Variants in OR8H3 observed in about 807,000 individuals in gnomAD.
OR8H3 encodes olfactory receptor family 8 subfamily H member 3, also known as olfactory receptor 8H3.
For synonymous variants in OR8H3, 143 were observed against 136.4 expected (o/e 1.05, Z -0.34); for missense variants, 381 against 370.8 (o/e 1.03, Z -0.23).
chr11:56,122,934 T>A lies in OR8H3; in HGVS notation c.562T>A (p.Ser188Thr), dbSNP rs780318369. The A allele has an allele frequency of 6.2e-6, 10 of 1,614,238 alleles. No individual in the cohort carries two copies. The highest frequency in any genetic ancestry group is 6.8e-6 in the Non-Finnish European group (8 of 1,180,040). Residue 188 changes from serine to threonine, a missense_variant, in exon 1 of 1, where the codon TCC becomes ACC. By Grantham distance (58) the Ser-to-Thr change is moderately conservative. Transcript: ENST00000313472. ...TGACACTTCCCCAATTTTAGCTCTG[T>A]CCTGCACTGACACAGACAACACTGA... is the stretch of plus-strand genomic sequence containing the variant. ...FCDTSPILAL[S>T]CTDTDNTEML... is the part of the protein sequence containing the mutation.
At position 56,123,118 on chromosome 11, in the gene OR8H3, C is replaced by T. The variant is rs201060196; in HGVS notation, c.746C>T (p.Thr249Ile). The change falls in exon 1 of 1, where the codon ACC (threonine) becomes ATC (isoleucine). Residue 249 changes from threonine to isoleucine, a missense_variant. By Grantham distance (89) the Thr-to-Ile change is moderately conservative (BLOSUM62 -1). Transcript: ENST00000313472. ...TGCGTCTCTCATCTCTTGGGAGTCA[C>T]CATCTTCTATGGAACTATGATTTTT... Reference protein sequence around the residue: ...STCVSHLLGVTIFYGTMIFTY... With the variant: ...STCVSHLLGVIIFYGTMIFTY... 69 of 1,614,026 alleles carry T rather than the reference C, an allele frequency of 4.3e-5. No individual in the cohort carries two copies. The East Asian group carries it at 8.0e-4, about 19-fold the overall frequency.
At position 56,122,433 on chromosome 11, in the gene OR8H3, T is replaced by A. The variant is rs756523951; in HGVS notation, c.61T>A (p.Ser21Thr). 6 of 1,614,076 alleles carry A rather than the reference T, an allele frequency of 3.7e-6. No homozygotes were observed. Reference protein sequence around the residue: ...ADFILTGLSDSEEVQMALFML... With the variant: ...ADFILTGLSDTEEVQMALFML... Reference sequence around the variant, plus strand: ...CTTCATCCTTACGGGACTGTCAGACTCTGAAGAGGTCCAGATGGCTCTGTT... The same window carrying A: ...CTTCATCCTTACGGGACTGTCAGACACTGAAGAGGTCCAGATGGCTCTGTT... Residue 21 changes from serine (S) to threonine (T), a missense_variant, in exon 1 of 1, where the codon TCT becomes ACT. Physicochemically the swap from Ser to Thr is moderately conservative, Grantham distance 58. Coordinates refer to ENST00000313472, the MANE Select transcript of OR8H3 (RefSeq NM_001005201.1).
chr11:56,123,071 A>G lies in OR8H3; in HGVS notation c.699A>G (p.Gly233=), dbSNP rs772008678. 1.2e-6 allele frequency: 2 copies of G among 1,614,000 alleles called. No homozygotes were observed. The highest frequency in any genetic ancestry group is 2.2e-5 in the South Asian group (2 of 91,084). ...STILKINSTS[G]KQKAFSTCVS... is the part of the protein sequence containing the mutation. ...TCCTGAAAATTAATTCCACTTCAGG[A>G]AAGCAGAAAGCTTTCTCTACTTGCG... Residue 233 remains glycine, a synonymous_variant, in exon 1 of 1, where the codon GGA becomes GGG. Transcript: ENST00000313472.
In OR8H3 at chr11:56,122,839, C is replaced by A; in HGVS notation, c.467C>A (p.Ser156Tyr). The stretch of plus-strand genomic sequence containing the variant: ...CCTTATGTGATTGGCTTTATGGACT[C>A]CTTTGTCAATGTGGTTTCCATGAGC... ...TGPYVIGFMD[S>Y]FVNVVSMSRL... The change falls in exon 1 of 1, where the codon TCC becomes TAC. Residue 156 changes from serine to tyrosine, a missense_variant. Coordinates refer to ENST00000313472, the MANE Select transcript of OR8H3 (RefSeq NM_001005201.1). 1 of 1,614,164 alleles carries A rather than the reference C, an allele frequency of 6.2e-7. No homozygotes were observed. The highest frequency in any genetic ancestry group is 1.1e-5 in the South Asian group (1 of 91,082).
rs117742871 is a variant in OR8H3, at chr11:56,122,657, G to C, written c.285G>C (p.Thr95=). 2 of 1,614,052 alleles carry C rather than the reference G, an allele frequency of 1.2e-6. No individual in the cohort carries two copies. Among genetic ancestry groups the C allele is most frequent in the Non-Finnish European group, 1.7e-6 (2 of 1,180,016 alleles). The part of the protein sequence containing the change: ...NLLTSNYISF[T]GCFAQMFCFV... ...TGACTTCCAACTATATTTCCTTCAC[G>C]GGCTGCTTTGCCCAGATGTTCTGTT... Residue 95 remains threonine (T), a synonymous_variant, in exon 1 of 1, where the codon ACG becomes ACC. Transcript: ENST00000313472.
At position 56,122,475 on chromosome 11, in the gene OR8H3, A is replaced by G. The variant is rs772337323; in HGVS notation, c.103A>G (p.Ile35Val). 1.9e-6 allele frequency: 3 copies of G among 1,614,002 alleles called. No homozygotes were observed. The highest frequency in any genetic ancestry group is 2.7e-5 in the African/African-American group (2 of 74,910). Reference protein sequence around the residue: ...QMALFMLFLLIYLITMLGNVG... With the variant: ...QMALFMLFLLVYLITMLGNVG... ...GGCTCTGTTTATGCTATTTCTCCTCATATACCTAATTACTATGCTGGGGAA... is the reference window on the plus strand; with the variant it reads ...GGCTCTGTTTATGCTATTTCTCCTCGTATACCTAATTACTATGCTGGGGAA... Residue 35 changes from isoleucine (I) to valine (V), a missense_variant, in exon 1 of 1, where the codon ATA becomes GTA. Physicochemically the swap from Ile to Val is conservative, Grantham distance 29 (BLOSUM62 3). Coordinates refer to ENST00000313472, the MANE Select transcript of OR8H3 (RefSeq NM_001005201.1).
In OR8H3 at chr11:56,123,106, T is replaced by C; in HGVS notation, c.734T>C (p.Leu245Pro). The change falls in exon 1 of 1, where the codon CTC becomes CCC. Residue 245 changes from leucine to proline, a missense_variant. Leu to Pro is a moderately conservative substitution (Grantham distance 98, BLOSUM62 -3). Coordinates refer to ENST00000313472, the MANE Select transcript of OR8H3 (RefSeq NM_001005201.1). ...GCTTTCTCTACTTGCGTCTCTCATC[T>C]CTTGGGAGTCACCATCTTCTATGGA... ...QKAFSTCVSH[L>P]LGVTIFYGTM... is the part of the protein sequence containing the mutation. The C allele has an allele frequency of 1.2e-6, 2 of 1,614,064 alleles. No homozygotes were observed. Among genetic ancestry groups the C allele is most frequent in the Non-Finnish European group, 1.7e-6 (2 of 1,179,914 alleles).
rs201126799 is a variant in OR8H3 at position 56,122,827 on chromosome 11, G to T, written c.455G>T (p.Gly152Val). Residue 152 changes from glycine (G) to valine (V), a missense_variant, in exon 1 of 1, where the codon GGC becomes GTC. By Grantham distance (109) the Gly-to-Val change is moderately radical. Coordinates refer to ENST00000313472, the MANE Select transcript of OR8H3 (RefSeq NM_001005201.1). ...CTCATCACTGGGCCTTATGTGATTG[G>T]CTTTATGGACTCCTTTGTCAATGTG... ...LALITGPYVI[G>V]FMDSFVNVVS... 9 of 1,613,998 alleles carry T rather than the reference G, an allele frequency of 5.6e-6. No homozygotes were observed. In the Middle Eastern group the frequency reaches 9.9e-4, roughly 177 times the overall value.
rs764574176 is a variant in OR8H3, at chr11:56,123,192, G to A, written c.820G>A (p.Ala274Thr). The change falls in exon 1 of 1, where the codon GCT (alanine) becomes ACT (threonine). Residue 274 changes from alanine to threonine, a missense_variant. By Grantham distance (58) the Ala-to-Thr change is moderately conservative (BLOSUM62 0). Transcript: ENST00000313472. Reference protein sequence around the residue: ...KSYSLGRDQVAPVFYTIVIPM... With the variant: ...KSYSLGRDQVTPVFYTIVIPM... The stretch of plus-strand genomic sequence containing the variant: ...TTATTCCTTGGGAAGAGATCAAGTG[G>A]CTCCTGTGTTTTATACTATTGTGAT... The A allele has an allele frequency of 5.0e-6, 8 of 1,613,084 alleles. No homozygotes were observed. The Admixed American group carries it at 1.3e-4, about 27-fold the overall frequency.
Position 56,122,524 on chromosome 11 carries a change from G to C in OR8H3, c.152G>C (p.Arg51Pro). ...AATGTGGGGATGCTATTGATAATCC[G>C]CCTGGACCTCCAGCTTCACACTCCC... ...LGNVGMLLII[R>P]LDLQLHTPMY... is the part of the protein sequence containing the mutation. Residue 51 changes from arginine (R) to proline (P), a missense_variant, in exon 1 of 1, where the codon CGC (arginine) becomes CCC (proline). Arg to Pro is a moderately radical substitution (Grantham distance 103). Coordinates refer to ENST00000313472, the MANE Select transcript of OR8H3 (RefSeq NM_001005201.1). 1.2e-6 allele frequency: 2 copies of C among 1,613,986 alleles called. No homozygotes were observed. Among genetic ancestry groups the C allele is most frequent in the Non-Finnish European group, 1.7e-6 (2 of 1,179,976 alleles).
chr11:56,123,016 C>T lies in OR8H3; in HGVS notation c.644C>T (p.Ser215Phe), dbSNP rs751910968. ...CTGATGGTGTCCCTTATCACAATAT[C>T]TGCATCCTATGTGTCCATTCTCTCT... ...STLMVSLITISASYVSILSTI... is the reference protein window; with the variant it reads ...STLMVSLITIFASYVSILSTI... Residue 215 changes from serine to phenylalanine, a missense_variant, in exon 1 of 1, where the codon TCT (serine) becomes TTT (phenylalanine). Ser to Phe is a radical substitution (Grantham distance 155). Coordinates refer to ENST00000313472, the MANE Select transcript of OR8H3 (RefSeq NM_001005201.1). 5.6e-6 allele frequency: 9 copies of T among 1,614,074 alleles called. No homozygotes were observed. The Admixed American group carries it at 1.0e-4, about 18-fold the overall frequency.
In OR8H3 at chr11:56,123,251, A is replaced by C. The variant is rs769143758; in HGVS notation, c.879A>C (p.Arg293Ser). Residue 293 changes from arginine to serine, a missense_variant, in exon 1 of 1, where the codon AGA (arginine) becomes AGC (serine). Transcript: ENST00000313472. ...PMLNPLIYSL[R>S]NREVKNALIR... ...TGAATCCACTCATTTATAGTCTTAGAAACAGAGAAGTGAAAAATGCTCTCA... is the reference window on the plus strand; with the variant it reads ...TGAATCCACTCATTTATAGTCTTAGCAACAGAGAAGTGAAAAATGCTCTCA... 1.2e-6 allele frequency: 2 copies of C among 1,610,766 alleles called. No homozygotes were observed. The highest frequency in any genetic ancestry group is 2.2e-5 in the East Asian group (1 of 44,870).
chr11:56,122,629 T>C lies in OR8H3; in HGVS notation c.257T>C (p.Leu86Ser). The C allele has an allele frequency of 8.7e-6, 14 of 1,614,180 alleles. No homozygotes were observed. Among genetic ancestry groups the C allele is most frequent in the Non-Finnish European group, 1.2e-5 (14 of 1,180,032 alleles). Residue 86 changes from leucine to serine, a missense_variant, in exon 1 of 1, where the codon TTA becomes TCA. Physicochemically the swap from Leu to Ser is moderately radical, Grantham distance 145. Coordinates refer to ENST00000313472, the MANE Select transcript of OR8H3 (RefSeq NM_001005201.1). ...GTCACACCTAAAACCTTAGCGAACTTACTGACTTCCAACTATATTTCCTTC... is the reference window on the plus strand; with the variant it reads ...GTCACACCTAAAACCTTAGCGAACTCACTGACTTCCAACTATATTTCCTTC... ...TVVTPKTLAN[L>S]LTSNYISFTG... is the part of the protein sequence containing the mutation.
At position 56,122,512 on chromosome 11, in the gene OR8H3, T is replaced by C. The variant is rs1365871508; in HGVS notation, c.140T>C (p.Leu47Pro). The C allele has an allele frequency of 1.2e-6, 2 of 1,614,070 alleles. No homozygotes were observed. Among genetic ancestry groups the C allele is most frequent in the Admixed American group, 3.3e-5 (2 of 60,002 alleles). Residue 47 changes from leucine to proline, a missense_variant, in exon 1 of 1, where the codon CTA becomes CCA. Transcript: ENST00000313472. ...LITMLGNVGM[L>P]LIIRLDLQLH... ...ACTATGCTGGGGAATGTGGGGATGC[T>C]ATTGATAATCCGCCTGGACCTCCAG...
In OR8H3 at chr11:56,123,288, C is replaced by A; in HGVS notation, c.916C>A (p.Gln306Lys). The change falls in exon 1 of 1, where the codon CAG becomes AAG. Residue 306 changes from glutamine to lysine, a missense_variant. Transcript: ENST00000313472. ...GAAAAATGCTCTCATTAGAGTCATG[C>A]AGAGAAGACAGGACTCCAGGTAGTT... ...EVKNALIRVM[Q>K]RRQDSR 2 of 1,586,080 alleles carry A rather than the reference C, an allele frequency of 1.3e-6. No individual in the cohort carries two copies. The highest frequency in any genetic ancestry group is 1.7e-6 in the Non-Finnish European group (2 of 1,166,136).
Position 56,122,496 on chromosome 11 carries a change from G to A in OR8H3, c.124G>A (p.Gly42Arg), listed in dbSNP as rs368388514. ...CCTCATATACCTAATTACTATGCTGGGGAATGTGGGGATGCTATTGATAAT... is the reference window on the plus strand; with the variant it reads ...CCTCATATACCTAATTACTATGCTGAGGAATGTGGGGATGCTATTGATAAT... ...FLLIYLITML[G>R]NVGMLLIIRL... is the part of the protein sequence containing the mutation. Residue 42 changes from glycine to arginine, a missense_variant, in exon 1 of 1, where the codon GGG becomes AGG. By Grantham distance (125) the Gly-to-Arg change is moderately radical. Coordinates refer to ENST00000313472, the MANE Select transcript of OR8H3 (RefSeq NM_001005201.1). The A allele has an allele frequency of 1.3e-5, 21 of 1,613,974 alleles. No homozygotes were observed. In the Middle Eastern group the frequency reaches 6.6e-4, roughly 51 times the overall value.
chr11:56,122,751 T>C lies in OR8H3; in HGVS notation c.379T>C (p.Cys127Arg). Residue 127 changes from cysteine (C) to arginine (R), a missense_variant, in exon 1 of 1, where the codon TGC becomes CGC. Coordinates refer to ENST00000313472, the MANE Select transcript of OR8H3 (RefSeq NM_001005201.1). ...GGCCTATGATCGCTATGCAGCGATCTGCAGTCCTCTACACTACACAGTTAT... is the reference window on the plus strand; with the variant it reads ...GGCCTATGATCGCTATGCAGCGATCCGCAGTCCTCTACACTACACAGTTAT... ...SMAYDRYAAI[C>R]SPLHYTVIMP... 6.2e-7 allele frequency: 1 copy of C among 1,614,050 alleles called. No individual in the cohort carries two copies. The highest frequency in any genetic ancestry group is 8.5e-7 in the Non-Finnish European group (1 of 1,179,860).
At position 56,122,956 on chromosome 11, in the gene OR8H3, C is replaced by G. The variant is rs146422829; in HGVS notation, c.584C>G (p.Thr195Ser). The G allele has an allele frequency of 1.7e-3, 2,767 of 1,614,186 alleles. 5 individuals carry two copies. The highest frequency in any genetic ancestry group is 2.3e-3 in the South Asian group (206 of 91,084). The change falls in exon 1 of 1, where the codon ACT becomes AGT. Residue 195 changes from threonine (T) to serine (S), a missense_variant. Coordinates refer to ENST00000313472, the MANE Select transcript of OR8H3 (RefSeq NM_001005201.1). ...LALSCTDTDN[T>S]EMLIFIIAGS... ...CTGTCCTGCACTGACACAGACAACACTGAAATGCTGATATTCATTATCGCT... is the reference window on the plus strand; with the variant it reads ...CTGTCCTGCACTGACACAGACAACAGTGAAATGCTGATATTCATTATCGCT...
rs1214727152 is a variant in OR8H3, at chr11:56,122,908, G to A, written c.536G>A (p.Cys179Tyr). ...TCAAACATAATTCATCACTTTTTCT[G>A]TGACACTTCCCCAATTTTAGCTCTG... ...CDSNIIHHFF[C>Y]DTSPILALSC... Residue 179 changes from cysteine to tyrosine, a missense_variant, in exon 1 of 1, where the codon TGT (cysteine) becomes TAT (tyrosine). Cys to Tyr is a radical substitution (Grantham distance 194). Transcript: ENST00000313472. The A allele has an allele frequency of 1.9e-6, 3 of 1,614,096 alleles. No homozygotes were observed. Among genetic ancestry groups the A allele is most frequent in the Non-Finnish European group, 2.5e-6 (3 of 1,180,004 alleles).
Sources: gnomAD v4.1 joint callset for allele counts on GRCh38, gnomAD v4.1.1 for gene constraint, MANE v1.5 for transcripts, NCBI Gene and HGNC (gene_info 2026-07-23, HGNC 2026-07-21) for gene names.